Variants in PTPRT observed in about 807,000 individuals in gnomAD.
The protein encoded by PTPRT is protein tyrosine phosphatase receptor type T.
PTPRT carries 56 observed loss-of-function variants against 176.8 expected under a neutral mutation model. The ratio of observed to expected loss-of-function variants is 0.32; its 90% CI spans 0.26 to 0.40. The LOEUF (loss-of-function observed/expected upper bound fraction) is 0.40, where lower values mean the gene tolerates loss of function less well. Among genes scored for constraint, PTPRT ranks in the 10% least tolerant of loss-of-function variants. PTPRT has a pLI of 1.00. For missense variants in PTPRT, 1,540 were observed against 1,908.2 expected (o/e 0.81, Z 3.60); for synonymous variants, 783 against 739.0 (o/e 1.06, Z -0.96).
At chr20:43,155,741 C>G (rs180934540) in intron 1 of PTPRT, among the ~76,000 whole-genome samples, 35 of 152,212 alleles carry the variant, frequency 2.3e-4, no homozygotes, top group Admixed American at 2.0e-3. Context: ...CTAGATTTAA[C>G]CATTCTGCAA....
chr20:42,111,152 C>G (rs375729163), intron 22 of PTPRT, among the ~76,000 whole-genome samples: 1 of 152,330 alleles, frequency 6.6e-6, no homozygotes, highest in Admixed American at 6.5e-5. Flanking sequence ...GAGACACACT[C>G]CGGGCCCAGT....
intron 2 of PTPRT, among the ~76,000 whole-genome samples, chr20:42,796,152 C>T (rs2077450669): frequency 6.6e-6 from 1 of 152,180 alleles, no homozygotes; most frequent in Admixed American, 6.5e-5. Context: ...TCTTAGAAAG[C>T]AGAGACTACA....
At chr20:42,229,378 G>T (rs1227831460) in intron 15 of PTPRT, among the ~76,000 whole-genome samples, 1 of 152,144 alleles carries the variant, frequency 6.6e-6, no homozygotes, top group African/African-American at 2.4e-5. Context: ...GTTTGCTGTT[G>T]ATAATTTGAT....
At chr20:42,697,602 A>C (rs1281092693) in intron 6 of PTPRT, among the ~76,000 whole-genome samples, 1 of 152,242 alleles carries the variant, frequency 6.6e-6, no homozygotes, top group Non-Finnish European at 1.5e-5. Flanking sequence ...AAGGATTGTT[A>C]ATTCAAATGT....
In PTPRT at chr20:42,102,200, G is replaced by C; in HGVS notation, c.3638C>G (p.Pro1213Arg). 6.2e-7 allele frequency: 1 copy of C among 1,614,206 alleles called. No homozygotes were observed. Among genetic ancestry groups the C allele is most frequent in the Non-Finnish European group, 8.5e-7 (1 of 1,180,034 alleles). Reference protein sequence around the residue: ...HDKNRSMDVLPLDRCLPFLIS... With the variant: ...HDKNRSMDVLRLDRCLPFLIS... The stretch of plus-strand genomic sequence containing the variant: ...AAGGAAGGGCAGGCAGCGGTCCAGA[G>C]GCAGCACGTCCATACTTCGATTCTT... The change falls in exon 26 of 31, where the codon CCT (proline) becomes CGT (arginine). Residue 1213 changes from proline to arginine, a missense_variant. Pro to Arg is a moderately radical substitution (Grantham distance 103). Coordinates refer to ENST00000373187, the MANE Select transcript of PTPRT (RefSeq NM_007050.6).
intron 2 of PTPRT, among the ~76,000 whole-genome samples, chr20:42,795,831 T>C (rs2077446272): frequency 6.6e-6 from 1 of 152,238 alleles, no homozygotes; most frequent in African/African-American, 2.4e-5. Flanking sequence ...TAAAATGGGA[T>C]AATGAAACCT....
intron 7 of PTPRT, among the ~76,000 whole-genome samples, chr20:42,633,385 G>A (rs774578983): frequency 1.9e-4 from 29 of 152,112 alleles, no homozygotes; most frequent in South Asian, 4.2e-4. Flanking sequence ...CTTGGAGAAC[G>A]GTATCATAGT....
chr20:42,905,163 C>A (rs1259338425), intron 1 of PTPRT, among the ~76,000 whole-genome samples: 5 of 152,144 alleles, frequency 3.3e-5, no homozygotes, highest in Non-Finnish European at 7.3e-5. Context: ...TCACAATCTA[C>A]CCATCTGACA....
chr20:42,241,583 C>T (rs1467055631), intron 14 of PTPRT, among the ~76,000 whole-genome samples: 1 of 152,088 alleles, frequency 6.6e-6, no homozygotes, highest in Non-Finnish European at 1.5e-5. Context: ...ATACCAGGGG[C>T]TTCCTTTGCA....
chr20:42,871,167 G>C (rs149661314), intron 2 of PTPRT, among the ~76,000 whole-genome samples: 1 of 151,812 alleles, frequency 6.6e-6, no homozygotes, highest in African/African-American at 2.4e-5. Flanking sequence ...GGCCAGGTTG[G>C]TCTTGAACTC....
At chr20:42,739,810 A>C (rs76884393) in intron 6 of PTPRT, among the ~76,000 whole-genome samples, 2,027 of 152,258 alleles carry the variant, frequency 0.013, 36 homozygotes, top group African/African-American at 0.047. Flanking sequence ...CAGCCCTAAC[A>C]CTTCATGCGG....
chr20:42,546,164 T>C (rs1167500339), intron 7 of PTPRT, among the ~76,000 whole-genome samples: 2 of 152,162 alleles, frequency 1.3e-5, no homozygotes, highest in Non-Finnish European at 2.9e-5. Flanking sequence ...AGGTGTTTAA[T>C]TGAGCAATGA....
the PTPRT span, among the ~76,000 whole-genome samples, chr20:42,067,497 C>A: frequency 6.6e-6 from 1 of 152,158 alleles, no homozygotes; most frequent in East Asian, 1.9e-4. Flanking sequence ...ACTGGTCAAC[C>A]ACCCTCTTGC....
rs758846806 is a variant in PTPRT, at chr20:42,085,869, A to G, written c.3847-16T>C. Reference sequence around the variant, plus strand: ...GCATACAGAACTGAGATAAGGAAAGAGGTCACAGAAGGAGCTCAAAGGCAG... The same window carrying G: ...GCATACAGAACTGAGATAAGGAAAGGGGTCACAGAAGGAGCTCAAAGGCAG... On this transcript the variant is annotated splice_polypyrimidine_tract_variant and intron_variant, in intron 27 of 30. Coordinates refer to ENST00000373187, the MANE Select transcript of PTPRT (RefSeq NM_007050.6). The G allele has an allele frequency of 7.5e-6, 12 of 1,602,666 alleles. No homozygotes were observed. Among genetic ancestry groups the G allele is most frequent in the Non-Finnish European group, 7.7e-6 (9 of 1,170,576 alleles).
chr20:42,167,597 G>A (rs1184212997), intron 16 of PTPRT, among the ~76,000 whole-genome samples: 4 of 152,204 alleles, frequency 2.6e-5, no homozygotes, highest in Non-Finnish European at 5.9e-5. Context: ...TATGAAGAGT[G>A]ATGTGTAAGT....
intron 1 of PTPRT, among the ~76,000 whole-genome samples, chr20:42,964,704 G>C (rs1201594172): frequency 1.3e-5 from 2 of 152,042 alleles, no homozygotes; most frequent in Non-Finnish European, 2.9e-5. Context: ...CCTGTGCTTT[G>C]AGTATTTTTT....
chr20:42,720,253 T>C (rs1288458119), intron 6 of PTPRT, among the ~76,000 whole-genome samples: 2 of 152,202 alleles, frequency 1.3e-5, no homozygotes, highest in Non-Finnish European at 1.5e-5. Context: ...TGATAAATGA[T>C]ATCATGTGTA....
intron 13 of PTPRT, among the ~76,000 whole-genome samples, chr20:42,277,736 C>T (rs2057065905): frequency 6.6e-6 from 1 of 151,992 alleles, no homozygotes; most frequent in African/African-American, 2.4e-5. Context: ...GCTGGCTGGC[C>T]TTCTTGTTAG....
intron 13 of PTPRT, among the ~76,000 whole-genome samples, chr20:42,270,672 C>T (rs1363773861): frequency 6.6e-6 from 1 of 152,158 alleles, no homozygotes; most frequent in African/African-American, 2.4e-5. Flanking sequence ...ATCAAGCACC[C>T]ACGACATGCC....
Sources: allele counts gnomAD v4.1 joint callset (sites outside exome capture counted in the v4.1 genomes callset), GRCh38; gene constraint gnomAD v4.1.1; transcripts MANE v1.5; gene names NCBI Gene and HGNC (gene_info 2026-07-23, HGNC 2026-07-21).